FAM200A: variants seen among roughly 807,000 people sequenced by gnomAD.
FAM200A encodes the protein protein FAM200A.
FAM200A carries 26 observed loss-of-function variants against 44.2 expected under a neutral mutation model. The ratio of observed to expected loss-of-function variants is 0.59; its 90% CI spans 0.43 to 0.82. The LOEUF (loss-of-function observed/expected upper bound fraction) is 0.82, where lower values mean the gene tolerates loss of function less well. FAM200A is among the 40% of genes least tolerant of loss of function. The pLI is 0.00. For missense variants in FAM200A, 606 were observed against 669.5 expected, an observed-to-expected ratio of 0.91 and a Z score of 1.05; for synonymous variants, 206 against 244.4, an observed-to-expected ratio of 0.84 and a Z score of 1.47.
chr7:99,546,791 CTTT>C lies in FAM200A; in HGVS notation c.1614_1616del (p.Lys540del), dbSNP rs1274106465. 1.9e-6 allele frequency: 3 copies of C among 1,551,508 alleles called. No homozygotes were observed. The highest frequency in any genetic ancestry group is 2.4e-5 in the East Asian group (1 of 40,936). On this transcript the variant is annotated inframe_deletion, in exon 2 of 2. Transcript: ENST00000449309. ...GTGCACTATTGAGCCTATTTCTCTT[CTTT>C]GTTTTTAACCGTGTCAAGATTGAAA...
chr7:99,548,283 T>G lies in FAM200A; in HGVS notation c.125A>C (p.Lys42Thr). The G allele has an allele frequency of 1.2e-6, 2 of 1,614,160 alleles. No individual in the cohort carries two copies. Among genetic ancestry groups the G allele is most frequent in the South Asian group, 2.2e-5 (2 of 91,082 alleles). Reference protein sequence around the residue: ...EEDHFQKERNKVESSPQVLSR... With the variant: ...EEDHFQKERNTVESSPQVLSR... ...GAGAACTTGTGGCGATGACTCTACT[T>G]TGTTTCTTTCCTTTTGAAAATGGTC... Residue 42 changes from lysine to threonine, a missense_variant, in exon 2 of 2, where the codon AAA (lysine) becomes ACA (threonine). Transcript: ENST00000449309.
At chr7:99,554,896 A>G (rs1802648538), upstream of FAM200A, among the ~76,000 whole-genome samples, 1 of 152,208 alleles carries the variant, frequency 6.6e-6, no homozygotes, top group Admixed American at 6.5e-5. Context: ...CATAGGAGTA[A>G]GTTTATGGGA....
upstream of FAM200A, among the ~76,000 whole-genome samples, chr7:99,554,161 G>A (rs1414152311): frequency 1.3e-5 from 2 of 152,168 alleles, no homozygotes; most frequent in Non-Finnish European, 2.9e-5. Flanking sequence ...CCACCATGGT[G>A]AGAGTTACAT....
At chr7:99,553,771 C>T (rs531204476), upstream of FAM200A, among the ~76,000 whole-genome samples, 4 of 152,322 alleles carry the variant, frequency 2.6e-5, no homozygotes, top group African/African-American at 9.6e-5. Context: ...CCCAACTTTG[C>T]AAGGCATTAC....
upstream of FAM200A, among the ~76,000 whole-genome samples, chr7:99,554,533 C>G (rs1802641664): frequency 6.6e-6 from 1 of 151,040 alleles, no homozygotes; most frequent in Non-Finnish European, 1.5e-5. Flanking sequence ...TTGTTGGGAC[C>G]ACGCACAGCC....
chr7:99,548,832 A>G (rs181921261), intron 1 of FAM200A, among the ~76,000 whole-genome samples: 1 of 150,858 alleles, frequency 6.6e-6, no homozygotes, highest in East Asian at 2.0e-4. Flanking sequence ...GAGTGTCCTA[A>G]ATATGCTGCT....
upstream of FAM200A, among the ~76,000 whole-genome samples, chr7:99,557,090 C>T (rs1802708611): frequency 6.6e-6 from 1 of 152,178 alleles, no homozygotes; most frequent in Admixed American, 6.5e-5. Flanking sequence ...GAGTTGTTTC[C>T]ACCTCTGTCA....
chr7:99,547,148 T>C lies in FAM200A; in HGVS notation c.1260A>G (p.Lys420=), dbSNP rs1802405857. 6.5e-7 allele frequency: 1 copy of C among 1,546,060 alleles called. No individual in the cohort carries two copies. Among genetic ancestry groups the C allele is most frequent in the Non-Finnish European group, 8.7e-7 (1 of 1,145,432 alleles). The change falls in exon 2 of 2, where the codon AAA becomes AAG. Residue 420 remains lysine (K), a synonymous_variant. Transcript: ENST00000449309. ...IINEDCLKEI[K]LEILLHLTSL... is the part of the protein sequence containing the mutation. ...AAGTGAGATGCAACAATATCTCTAA[T>C]TTTATTTCTTTTAAGCAGTCTTCAT...
chr7:99,547,214 CA>C lies in FAM200A; in HGVS notation c.1193del (p.Met398SerfsTer19). On this transcript the variant is annotated frameshift_variant, in exon 2 of 2. Coordinates refer to ENST00000449309, the MANE Select transcript of FAM200A (RefSeq NM_145111.4). LOFTEE classifies it high-confidence loss of function. ...RLKSNRPSYYMFPTLLQHIEE... is the reference protein window; with the variant it reads ...RLKSNRPSYYXFPTLLQHIEE... The stretch of plus-strand genomic sequence containing the variant: ...CGATGTGTTGCAATAATGTTGGAAA[CA>C]TATAGTAGCTAGGGCGGTTACTTTT... The C allele has an allele frequency of 6.4e-7, 1 of 1,550,524 alleles. No homozygotes were observed. Among genetic ancestry groups the C allele is most frequent in the Non-Finnish European group, 8.7e-7 (1 of 1,146,712 alleles).
chr7:99,548,530 G>A (rs1802444546), intron 1 of FAM200A, 24 bp from the exon 2 acceptor site: 1 of 1,464,482 alleles, frequency 6.8e-7, no homozygotes, highest in Admixed American at 2.8e-5. Flanking sequence ...AAACGTAACA[G>A]CAGTATTAAA....
At chr7:99,557,426 C>G (rs1412055429) in intron 1 of FAM200A, among the ~76,000 whole-genome samples, 1 of 152,092 alleles carries the variant, frequency 6.6e-6, no homozygotes, top group Non-Finnish European at 1.5e-5. Context: ...TTAAAATGGC[C>G]GTTATGAAGA....
Position 99,548,448 on chromosome 7 carries a change from G to T in FAM200A, c.-41C>A, listed in dbSNP as rs1047740770. On this transcript the variant is annotated 5_prime_UTR_variant, in exon 2 of 2. Coordinates refer to ENST00000449309, the MANE Select transcript of FAM200A (RefSeq NM_145111.4). ...AACTGGCTCACTTGATCCAAATAGG[G>T]TCTGTTTTGCAGGGCTGTCCTTTGT... The T allele has an allele frequency of 6.3e-7, 1 of 1,589,762 alleles. No homozygotes were observed. Among genetic ancestry groups the T allele is most frequent in the Non-Finnish European group, 8.6e-7 (1 of 1,168,138 alleles).
chr7:99,555,614 A>G (rs1462164100), upstream of FAM200A, among the ~76,000 whole-genome samples: 1 of 152,208 alleles, frequency 6.6e-6, no homozygotes, highest in East Asian at 1.9e-4. Context: ...TGCCCCAATA[A>G]AAAGTGGAAG....
upstream of FAM200A, among the ~76,000 whole-genome samples, chr7:99,554,098 G>C (rs935107777): frequency 6.6e-6 from 1 of 152,190 alleles, no homozygotes; most frequent in African/African-American, 2.4e-5. Flanking sequence ...CCTGGTGGTA[G>C]CTGGTATCTC....
At chr7:99,553,033 A>G (rs1802578259), upstream of FAM200A, among the ~76,000 whole-genome samples, 1 of 132,998 alleles carries the variant, frequency 7.5e-6, no homozygotes, top group African/African-American at 3.0e-5. Context: ...ATATACATGT[A>G]TATATATATA....
At chr7:99,553,081 ATATATATATATATATATATT>A (rs1802585995), upstream of FAM200A, among the ~76,000 whole-genome samples, 2 of 92,062 alleles carry the variant, frequency 2.2e-5, no homozygotes, top group South Asian at 3.8e-4. Context: ...ATATATATAT[ATATATATATATATATATATT>A]TTTTTTTTTT....
intron 1 of FAM200A, among the ~76,000 whole-genome samples, chr7:99,551,286 G>C (rs1341434044): frequency 6.6e-6 from 1 of 151,732 alleles, no homozygotes; most frequent in Non-Finnish European, 1.5e-5. Flanking sequence ...TGCAACCTCC[G>C]CCTCCCGGGT....
chr7:99,549,998 T>C (rs898187349), intron 1 of FAM200A, among the ~76,000 whole-genome samples: 3 of 151,840 alleles, frequency 2.0e-5, no homozygotes, highest in African/African-American at 4.8e-5. Flanking sequence ...TGTATACATA[T>C]GTAACTAACC....
upstream of FAM200A, among the ~76,000 whole-genome samples, chr7:99,556,470 A>G (rs1802678436): frequency 6.6e-6 from 1 of 152,182 alleles, no homozygotes; most frequent in South Asian, 2.1e-4. Context: ...GTAATTTATA[A>G]AAAATCAGCT....
Sources: gnomAD v4.1 joint callset for allele counts (sites outside exome capture counted in the v4.1 genomes callset) on GRCh38, gnomAD v4.1.1 for gene constraint, MANE v1.5 for transcripts, NCBI Gene and HGNC (gene_info 2026-07-23, HGNC 2026-07-21) for gene names.